The following SOCS5 variants were observed in gnomAD, a reference collection of about 807,000 sequenced individuals.
SOCS5 encodes the protein suppressor of cytokine signaling 5.
SOCS5 carries 32 observed loss-of-function variants against 42.8 expected under a neutral mutation model. That is an observed-to-expected ratio of 0.75 (90% CI 0.56 to 1.01). SOCS5 has a LOEUF of 1.01. Among genes scored for constraint, SOCS5 ranks in the 50% least tolerant of loss-of-function variants. SOCS5 has a pLI of 0.00. For synonymous variants in SOCS5, 283 were observed against 229.6 expected, an observed-to-expected ratio of 1.23 and a Z score of -2.10; for missense variants, 627 against 653.0, an observed-to-expected ratio of 0.96 and a Z score of 0.43.
Position 46,762,017 on chromosome 2 carries a change from C to A in SOCS5, c.*1876C>A, listed in dbSNP as rs1443542175. The A allele has an allele frequency of 6.0e-6, 1 of 166,942 alleles. No homozygotes were observed. The highest frequency in any genetic ancestry group is 2.4e-5 in the African/African-American group (1 of 41,448). The allele number at this position is 166,942 out of a possible 1,614,324, so 10.3% of individuals were successfully genotyped here. ...TTGTGAATTTGTAATAGATCAGTAC[C>A]ATTTATTGGTTTGGGGACCATCTTA... On this transcript the variant is annotated 3_prime_UTR_variant, in exon 2 of 2. Transcript: ENST00000394861.
intron 1 of SOCS5, among the ~76,000 whole-genome samples, chr2:46,732,341 C>G (rs940960990): frequency 1.3e-5 from 2 of 152,098 alleles, no homozygotes; most frequent in Non-Finnish European, 2.9e-5. Context: ...GATGAGTGAA[C>G]TGAGACTTGC....
At chr2:46,743,175 C>T (rs1485593669) in intron 1 of SOCS5, among the ~76,000 whole-genome samples, 1 of 151,986 alleles carries the variant, frequency 6.6e-6, no homozygotes, top group Non-Finnish European at 1.5e-5. Flanking sequence ...CAACATGTTA[C>T]AGGAAAGGGG....
At position 46,760,210 on chromosome 2, in the gene SOCS5, A is replaced by G. The variant is rs568613450; in HGVS notation, c.*69A>G. The G allele has an allele frequency of 1.1e-3, 1,184 of 1,122,864 alleles. 7 individuals are homozygous for G. The highest frequency in any genetic ancestry group is 3.0e-3 in the South Asian group (206 of 68,120). The allele number at this position is 1,122,864 out of a possible 1,614,324, so 69.6% of individuals were successfully genotyped here. On this transcript the variant is annotated 3_prime_UTR_variant, in exon 2 of 2. Coordinates refer to ENST00000394861, the MANE Select transcript of SOCS5 (RefSeq NM_144949.3). ...TGCATCAGACAGTACACCTATAGCA[A>G]GCACACGTAGCAGTGTTAGGCTTTT...
chr2:46,736,040 C>G (rs191263810), intron 1 of SOCS5, among the ~76,000 whole-genome samples: 9 of 151,116 alleles, frequency 6.0e-5, no homozygotes, highest in Non-Finnish European at 1.0e-4. Flanking sequence ...CTCTCTTTCC[C>G]CCTCTCTCCC....
chr2:46,750,530 C>T (rs74964704), intron 1 of SOCS5, among the ~76,000 whole-genome samples: 9,268 of 152,136 alleles, frequency 0.061, 317 homozygotes, highest in Middle Eastern at 0.13. Flanking sequence ...TTATTAAACT[C>T]CATCCCTTGA....
chr2:46,710,780 CTTTGTAATT>C (rs1480495941), intron 1 of SOCS5, among the ~76,000 whole-genome samples: 3 of 152,170 alleles, frequency 2.0e-5, no homozygotes, highest in Non-Finnish European at 4.4e-5. Flanking sequence ...ATTAATACAT[CTTTGTAATT>C]TATGATTTCT....
chr2:46,724,451 T>G (rs559494822), intron 1 of SOCS5, among the ~76,000 whole-genome samples: 60 of 152,154 alleles, frequency 3.9e-4, no homozygotes, highest in South Asian at 1.7e-3. Context: ...TTCTTCTAGC[T>G]TCTTAAGGTG....
chr2:46,748,087 A>G (rs1673544480), intron 1 of SOCS5, among the ~76,000 whole-genome samples: 2 of 152,238 alleles, frequency 1.3e-5, no homozygotes, highest in Admixed American at 6.5e-5. Context: ...TACGTGATTA[A>G]AAGTTATCCT....
intron 1 of SOCS5, among the ~76,000 whole-genome samples, chr2:46,718,981 G>T (rs1396276362): frequency 6.6e-6 from 1 of 152,164 alleles, no homozygotes; most frequent in African/African-American, 2.4e-5. Context: ...AAATGTGTAT[G>T]TTACTTATTC....
intron 1 of SOCS5, among the ~76,000 whole-genome samples, chr2:46,709,073 G>A (rs958908811): frequency 1.3e-5 from 2 of 151,894 alleles, no homozygotes; most frequent in Non-Finnish European, 2.9e-5. Context: ...TTTTAGTAGA[G>A]ATGAGGTTTC....
chr2:46,745,693 T>C (rs1673480467), intron 1 of SOCS5, among the ~76,000 whole-genome samples: 1 of 152,128 alleles, frequency 6.6e-6, no homozygotes, highest in Admixed American at 6.6e-5. Context: ...CTGGGCTGGC[T>C]AGAGACAGAG....
intron 1 of SOCS5, among the ~76,000 whole-genome samples, chr2:46,711,382 T>G (rs866279364): frequency 6.6e-6 from 1 of 152,250 alleles, no homozygotes; most frequent in Non-Finnish European, 1.5e-5. Flanking sequence ...AGTATCGATG[T>G]CATGCATTTT....
At chr2:46,747,605 TAC>T (rs1673533241) in intron 1 of SOCS5, among the ~76,000 whole-genome samples, 1 of 152,206 alleles carries the variant, frequency 6.6e-6, no homozygotes, top group African/African-American at 2.4e-5. Flanking sequence ...CCTGGGCTGT[TAC>T]ACTTTTTAAG....
intron 1 of SOCS5, among the ~76,000 whole-genome samples, chr2:46,717,571 C>G (rs1672777730): frequency 6.6e-6 from 1 of 151,820 alleles, no homozygotes. Context: ...TCGTAATCTT[C>G]CGGTTTATAT....
intron 1 of SOCS5, among the ~76,000 whole-genome samples, chr2:46,737,468 G>A (rs995258766): frequency 6.6e-6 from 1 of 152,120 alleles, no homozygotes; most frequent in African/African-American, 2.4e-5. Flanking sequence ...TTATCAGATA[G>A]CAATCTGATA....
At chr2:46,725,823 A>C (rs1039353994) in intron 1 of SOCS5, among the ~76,000 whole-genome samples, 1 of 152,020 alleles carries the variant, frequency 6.6e-6, no homozygotes, top group Non-Finnish European at 1.5e-5. Context: ...GAATTCTCAT[A>C]ATTTTACCTT....
chr2:46,761,360 T>G lies in SOCS5; in HGVS notation c.*1219T>G, dbSNP rs1408892248. The stretch of plus-strand genomic sequence containing the variant: ...CAGTTCTGTCCTAGACATTTTGCAC[T>G]AAAGTAGCCGAATCCACTCTCATGT... On this transcript the variant is annotated 3_prime_UTR_variant, in exon 2 of 2. Transcript: ENST00000394861. 1.2e-5 allele frequency: 2 copies of G among 167,132 alleles called. No homozygotes were observed. Among genetic ancestry groups the G allele is most frequent in the African/African-American group, 2.4e-5 (1 of 41,470 alleles). 10.4% of individuals were successfully genotyped at this position (167,132 alleles called of 1,614,324 possible).
In SOCS5 at chr2:46,762,490, TTAAATGGAA is replaced by T. The variant is rs1673892006; in HGVS notation, c.*2350_*2358del. 6.0e-6 allele frequency: 1 copy of T among 166,270 alleles called. No homozygotes were observed. Among genetic ancestry groups the T allele is most frequent in the African/African-American group, 2.4e-5 (1 of 41,476 alleles). 10.3% of individuals were successfully genotyped at this position (166,270 alleles called of 1,614,324 possible). Reference sequence around the variant, plus strand: ...TTATGTATTTCAAAACTTTCATATGTTAAATGGAAATTGTTTTAAATGTGTTTGAGTTTA... The same window carrying T: ...TTATGTATTTCAAAACTTTCATATGTATTGTTTTAAATGTGTTTGAGTTTA... On this transcript the variant is annotated 3_prime_UTR_variant, in exon 2 of 2. Transcript: ENST00000394861.
At chr2:46,707,460 A>G (rs960979945) in intron 1 of SOCS5, among the ~76,000 whole-genome samples, 2 of 152,228 alleles carry the variant, frequency 1.3e-5, no homozygotes, top group African/African-American at 4.8e-5. Flanking sequence ...CTGAGTTACT[A>G]TTTATTGTAG....
Sources: allele counts gnomAD v4.1 joint callset (sites outside exome capture counted in the v4.1 genomes callset), GRCh38; gene constraint gnomAD v4.1.1; transcripts MANE v1.5; gene names NCBI Gene and HGNC (gene_info 2026-07-23, HGNC 2026-07-21).